AGBL1: variants seen among roughly 807,000 people sequenced by gnomAD.
AGBL1 encodes AGBL carboxypeptidase 1, also known as cytosolic carboxypeptidase 4.
Under a neutral mutation model 118.9 loss-of-function variants are expected in AGBL1, and 130 were observed. That is an observed-to-expected ratio of 1.09 (90% CI 0.95 to 1.26). AGBL1 has a LOEUF of 1.26. Among genes scored for constraint, AGBL1 ranks in the 50% most tolerant of loss-of-function variants. The pLI is 0.00. For synonymous variants in AGBL1, 555 were observed against 478.9 expected, an observed-to-expected ratio of 1.16 and a Z score of -2.08; for missense variants, 1,584 against 1,298.1, an observed-to-expected ratio of 1.22 and a Z score of -3.38.
At chr15:86,632,029 A>ATTT (rs60551645) in intron 21 of AGBL1, among the ~76,000 whole-genome samples, 1 of 146,010 alleles carries the variant, frequency 6.8e-6, no homozygotes, top group Non-Finnish European at 1.5e-5. Flanking sequence ...TATTTCCACA[A>ATTT]TTTTTTTTTT....
At chr15:86,140,914 A>G (rs543407107) in intron 1 of AGBL1, among the ~76,000 whole-genome samples, 1 of 152,180 alleles carries the variant, frequency 6.6e-6, no homozygotes. Flanking sequence ...GATCATAAAG[A>G]GCTTTGGAAA....
intron 18 of AGBL1, among the ~76,000 whole-genome samples, chr15:86,497,746 T>C (rs2082871241): frequency 1.3e-5 from 2 of 151,878 alleles, no homozygotes; most frequent in Admixed American, 1.3e-4. Flanking sequence ...TGTCTGGAAA[T>C]TTTCTGTAAG....
intron 21 of AGBL1, among the ~76,000 whole-genome samples, chr15:86,577,515 T>C (rs1047521710): frequency 1.3e-5 from 2 of 152,014 alleles, no homozygotes; most frequent in African/African-American, 4.8e-5. Flanking sequence ...GCTGAAGAAA[T>C]TTGCATAAGT....
chr15:86,721,404 G>A (rs989211409), intron 22 of AGBL1, among the ~76,000 whole-genome samples: 2 of 152,068 alleles, frequency 1.3e-5, no homozygotes, highest in Non-Finnish European at 2.9e-5. Flanking sequence ...AAAACCATAC[G>A]ATTATCTCAA....
intron 22 of AGBL1, among the ~76,000 whole-genome samples, chr15:86,697,530 T>C (rs1223553711): frequency 6.6e-6 from 1 of 151,392 alleles, no homozygotes; most frequent in African/African-American, 2.4e-5. Flanking sequence ...TTTCTTAAGT[T>C]GGAGTTCACT....
intron 24 of AGBL1, chr15:86,988,271 C>A: frequency 1.6e-6 from 1 of 621,370 alleles, no homozygotes; most frequent in Non-Finnish European, 2.7e-6. Context: ...GTGGTTGCAA[C>A]GATTTACATT....
At chr15:86,916,804 G>A (rs754704003), downstream of AGBL1, among the ~76,000 whole-genome samples, 13 of 152,302 alleles carry the variant, frequency 8.5e-5, no homozygotes, top group African/African-American at 2.2e-4. Context: ...TGGCCAGGCC[G>A]GTGAAGAGGC....
At chr15:86,445,516 C>T (rs947992781) in intron 18 of AGBL1, among the ~76,000 whole-genome samples, 3 of 152,198 alleles carry the variant, frequency 2.0e-5, no homozygotes, top group Admixed American at 6.5e-5. Context: ...AGAATTTCAC[C>T]ACTGAGCACT....
At chr15:86,142,869 T>C (rs983015777) in intron 2 of AGBL1, among the ~76,000 whole-genome samples, 1 of 152,210 alleles carries the variant, frequency 6.6e-6, no homozygotes, top group Non-Finnish European at 1.5e-5. Context: ...ACCTTGAAGT[T>C]CTCCCTCTGA....
chr15:86,860,623 G>A (rs192646019), intron 22 of AGBL1, among the ~76,000 whole-genome samples: 156 of 152,094 alleles, frequency 1.0e-3, no homozygotes, highest in Non-Finnish European at 9.4e-4. Flanking sequence ...GCCTTGTCCC[G>A]CAGCAGGGGC....
chr15:86,350,730 C>G (rs1044398927), intron 17 of AGBL1, among the ~76,000 whole-genome samples: 3 of 152,114 alleles, frequency 2.0e-5, no homozygotes, highest in African/African-American at 7.2e-5. Context: ...TAGAGAATGA[C>G]AATGCTAAAG....
At chr15:86,271,043 A>ATTTTTTTTTTTTTTTTT (rs58166692) in intron 14 of AGBL1, among the ~76,000 whole-genome samples, 2 of 89,062 alleles carry the variant, frequency 2.2e-5, no homozygotes, top group African/African-American at 4.8e-5. Context: ...GTCACGTTGC[A>ATTTTTTTTTTTTTTTTT]TTTTTTTTTT....
chr15:86,641,443 G>C (rs1295105001), intron 21 of AGBL1, among the ~76,000 whole-genome samples: 16 of 151,144 alleles, frequency 1.1e-4, no homozygotes, highest in Non-Finnish European at 2.2e-4. Context: ...GTAGTTACCT[G>C]GCAGCCCCCA....
intron 17 of AGBL1, among the ~76,000 whole-genome samples, chr15:86,320,546 C>G (rs1005893208): frequency 5.3e-5 from 8 of 151,942 alleles, no homozygotes; most frequent in African/African-American, 1.9e-4. Flanking sequence ...TTGAAACTGA[C>G]AAGTTTTTTT....
intron 22 of AGBL1, among the ~76,000 whole-genome samples, chr15:86,901,595 A>G (rs933457536): frequency 1.3e-5 from 2 of 152,098 alleles, no homozygotes; most frequent in Admixed American, 6.6e-5. Flanking sequence ...GTAACCCCAC[A>G]TTACCCTTTC....
At chr15:86,581,406 T>G (rs970694619) in intron 21 of AGBL1, among the ~76,000 whole-genome samples, 10 of 152,212 alleles carry the variant, frequency 6.6e-5, no homozygotes, top group African/African-American at 2.4e-4. Flanking sequence ...ACATTTCTTA[T>G]AAGTTTTCTC....
In AGBL1 at chr15:86,279,651, C is replaced by G; in HGVS notation, c.2088C>G (p.Arg696=). The change falls in exon 16 of 23, where the codon CGC becomes CGG. Residue 696 remains arginine, a synonymous_variant. Transcript: ENST00000614907. ...CCTCTCTCTTTAGAAATCATTATCG[C>G]CAGAGTACAGCTGTTGCAGGCGGAG... is the stretch of plus-strand genomic sequence containing the variant. The part of the protein sequence containing the change: ...HEICYYKNHY[R]QSTAVAGGAS... The G allele has an allele frequency of 6.2e-7, 1 of 1,613,462 alleles. No individual in the cohort carries two copies. The highest frequency in any genetic ancestry group is 8.5e-7 in the Non-Finnish European group (1 of 1,179,530).
chr15:86,410,536 A>G (rs536936337), intron 18 of AGBL1, among the ~76,000 whole-genome samples: 1 of 151,716 alleles, frequency 6.6e-6, no homozygotes, highest in African/African-American at 2.4e-5. Flanking sequence ...AGCCCTAACC[A>G]CTGCACCTCA....
At chr15:86,491,256 G>A (rs2082774368) in intron 18 of AGBL1, among the ~76,000 whole-genome samples, 1 of 152,084 alleles carries the variant, frequency 6.6e-6, no homozygotes, top group South Asian at 2.1e-4. Flanking sequence ...AGCATGACAG[G>A]AAGCAAGGGT....
Sources: allele counts gnomAD v4.1 joint callset (sites outside exome capture counted in the v4.1 genomes callset), GRCh38; gene constraint gnomAD v4.1.1; transcripts MANE v1.5; gene names NCBI Gene and HGNC (gene_info 2026-07-23, HGNC 2026-07-21).